The following LRFN2 variants were observed in gnomAD, a reference collection of about 807,000 sequenced individuals.
LRFN2 encodes leucine-rich repeat and fibronectin type-III domain-containing protein 2.
In LRFN2, 18 loss-of-function variants were observed where a neutral mutation model predicts 37.3. That is an observed-to-expected ratio of 0.48 (90% CI 0.33 to 0.72). LRFN2 has a LOEUF of 0.72. Among genes scored for constraint, LRFN2 ranks in the 30% least tolerant of loss-of-function variants. LRFN2 has a pLI of 0.02. For missense variants in LRFN2, 1,006 were observed against 1,060.7 expected, an observed-to-expected ratio of 0.95 and a Z score of 0.72; for synonymous variants, 556 against 466.6, an observed-to-expected ratio of 1.19 and a Z score of -2.47.
chr6:40,452,060 T>C (rs1764123206), intron 1 of LRFN2, among the ~76,000 whole-genome samples: 1 of 152,070 alleles, frequency 6.6e-6, no homozygotes, highest in African/African-American at 2.4e-5. Flanking sequence ...TTATCTTCCC[T>C]CCTACACAAG....
intron 1 of LRFN2, among the ~76,000 whole-genome samples, chr6:40,584,827 T>TC (rs1016435937): frequency 6.6e-6 from 1 of 151,856 alleles, no homozygotes; most frequent in African/African-American, 2.4e-5. Context: ...TTTTTTTTTT[T>TC]CCTTTGGAGC....
intron 1 of LRFN2, among the ~76,000 whole-genome samples, chr6:40,461,904 G>A (rs1764356616): frequency 6.6e-6 from 1 of 152,152 alleles, no homozygotes; most frequent in Admixed American, 6.5e-5. Flanking sequence ...TGTGGTCATA[G>A]GCTATCTACA....
chr6:40,439,553 CTGCCAGCACCATG>C (rs1350530221), intron 1 of LRFN2, among the ~76,000 whole-genome samples: 1 of 152,170 alleles, frequency 6.6e-6, no homozygotes, highest in Non-Finnish European at 1.5e-5. Context: ...GGGGTGAATG[CTGCCAGCACCATG>C]TGCCAGCTCC....
At chr6:40,571,687 G>C (rs1018586988) in intron 1 of LRFN2, among the ~76,000 whole-genome samples, 3 of 152,222 alleles carry the variant, frequency 2.0e-5, no homozygotes, top group Admixed American at 2.0e-4. Flanking sequence ...CGATGTTGGA[G>C]CCTCTGTGGC....
At chr6:40,572,962 C>G (rs1300951773) in intron 1 of LRFN2, among the ~76,000 whole-genome samples, 1 of 152,226 alleles carries the variant, frequency 6.6e-6, no homozygotes, top group African/African-American at 2.4e-5. Flanking sequence ...CCATGTCCTG[C>G]CAAACCTGCT....
At chr6:40,537,140 A>T (rs1340965440) in intron 1 of LRFN2, among the ~76,000 whole-genome samples, 1 of 152,112 alleles carries the variant, frequency 6.6e-6, no homozygotes, top group East Asian at 1.9e-4. Flanking sequence ...GTTTCCAGGG[A>T]CGGGGAGCTC....
At chr6:40,511,884 T>G (rs1301455564) in intron 1 of LRFN2, among the ~76,000 whole-genome samples, 1 of 152,096 alleles carries the variant, frequency 6.6e-6, no homozygotes, top group Non-Finnish European at 1.5e-5. Flanking sequence ...AGGTTTCAAT[T>G]AATTGTAACT....
At chr6:40,499,743 T>G (rs1765327061) in intron 1 of LRFN2, among the ~76,000 whole-genome samples, 1 of 152,150 alleles carries the variant, frequency 6.6e-6, no homozygotes, top group African/African-American at 2.4e-5. Flanking sequence ...GTGGCGAGTT[T>G]GTGCTGCAAG....
intron 1 of LRFN2, among the ~76,000 whole-genome samples, chr6:40,539,686 C>T (rs1483314884): frequency 6.6e-6 from 1 of 152,210 alleles, no homozygotes. Context: ...GGATTCGCAG[C>T]CCCCATGGCA....
chr6:40,493,603 A>C (rs1412257178), intron 1 of LRFN2, among the ~76,000 whole-genome samples: 1 of 152,222 alleles, frequency 6.6e-6, no homozygotes, highest in African/African-American at 2.4e-5. Context: ...TGAGTGCTCC[A>C]GAACCTCCAG....
At chr6:40,395,589 ATGGC>A (rs1762599252) in intron 2 of LRFN2, among the ~76,000 whole-genome samples, 1 of 152,108 alleles carries the variant, frequency 6.6e-6, no homozygotes, top group Non-Finnish European at 1.5e-5. Context: ...GTAAGTTGAG[ATGGC>A]AGGAGCTAAG....
chr6:40,412,747 A>T (rs1763000682), intron 2 of LRFN2, among the ~76,000 whole-genome samples: 1 of 152,222 alleles, frequency 6.6e-6, no homozygotes, highest in Non-Finnish European at 1.5e-5. Context: ...CCCCACTGAT[A>T]CAAGTCCCTG....
chr6:40,503,365 G>C (rs1236993196), intron 1 of LRFN2, among the ~76,000 whole-genome samples: 1 of 152,142 alleles, frequency 6.6e-6, no homozygotes, highest in East Asian at 1.9e-4. Flanking sequence ...CGCAGTAATG[G>C]AGAGACTGTA....
At chr6:40,443,067 C>G (rs914463859) in intron 1 of LRFN2, among the ~76,000 whole-genome samples, 1 of 152,234 alleles carries the variant, frequency 6.6e-6, no homozygotes, top group South Asian at 2.1e-4. Context: ...TCCTGAAGGG[C>G]GTTTGTGTTT....
At chr6:40,399,841 T>C (rs1762702132) in intron 2 of LRFN2, among the ~76,000 whole-genome samples, 2 of 151,924 alleles carry the variant, frequency 1.3e-5, no homozygotes, top group Admixed American at 1.3e-4. Flanking sequence ...TTCTATTTAT[T>C]AACTTATTTC....
At chr6:40,400,934 A>G (rs1337967558) in intron 2 of LRFN2, among the ~76,000 whole-genome samples, 1 of 151,604 alleles carries the variant, frequency 6.6e-6, no homozygotes, top group African/African-American at 2.4e-5. Flanking sequence ...TGTGGCAATA[A>G]GGGGTCCTGG....
intron 1 of LRFN2, among the ~76,000 whole-genome samples, chr6:40,527,391 G>T (rs765574459): frequency 2.0e-5 from 3 of 152,228 alleles, no homozygotes; most frequent in Admixed American, 6.5e-5. Flanking sequence ...AATTGACCCT[G>T]TAGCCTATGA....
At position 40,453,834 on chromosome 6, in the gene LRFN2, C is replaced by T. The variant is rs553940583; in HGVS notation, c.-18-20703G>A. On this transcript the variant is annotated intron_variant, in intron 1 of 2. Coordinates refer to ENST00000338305, the MANE Select transcript of LRFN2 (RefSeq NM_020737.3). Reference sequence around the variant, plus strand: ...CAACAAACTAATTTCAAGGCTCTTTCGGATGTGCCAAAGCTCAAAGCAAAA... The same window carrying T: ...CAACAAACTAATTTCAAGGCTCTTTTGGATGTGCCAAAGCTCAAAGCAAAA... 1.6e-4 allele frequency among the ~76,000 whole-genome samples: 24 copies of T among 152,298 alleles called. No individual in the cohort carries two copies. In the South Asian group the frequency reaches 2.7e-3, roughly 17 times the overall value.
chr6:40,579,252 C>T (rs982294282), intron 1 of LRFN2, among the ~76,000 whole-genome samples: 1 of 152,198 alleles, frequency 6.6e-6, no homozygotes, highest in Non-Finnish European at 1.5e-5. Flanking sequence ...GATTTAATGT[C>T]TATTCCAGGG....
Sources: allele counts gnomAD v4.1 joint callset (sites outside exome capture counted in the v4.1 genomes callset), GRCh38; gene constraint gnomAD v4.1.1; transcripts MANE v1.5; gene names NCBI Gene and HGNC (gene_info 2026-07-23, HGNC 2026-07-21).